The following PCDHA2 variants were observed in gnomAD, a reference collection of about 807,000 sequenced individuals.
The protein encoded by PCDHA2 is protocadherin alpha 2, also known as protocadherin alpha-2.
PCDHA2 carries 58 observed loss-of-function variants against 66.0 expected under a neutral mutation model. That is an observed-to-expected ratio of 0.88 (90% CI 0.71 to 1.09). The LOEUF (loss-of-function observed/expected upper bound fraction) is 1.09, where lower values mean the gene tolerates loss of function less well. Ranked by LOEUF, PCDHA2 falls within the 50% of genes least tolerant of loss-of-function variation. The pLI, the probability that PCDHA2 is intolerant of heterozygous loss-of-function variation, is 0.00. For synonymous variants in PCDHA2, 634 were observed against 554.0 expected (o/e 1.14, Z -2.03); for missense variants, 1,267 against 1,242.3 (o/e 1.02, Z -0.30).
intron 1 of PCDHA2, among the ~76,000 whole-genome samples, chr5:140,887,688 G>GA (rs1453843716): frequency 4.2e-4 from 64 of 151,926 alleles, no homozygotes; most frequent in Middle Eastern, 3.2e-3. Context: ...TCAAATTCAG[G>GA]AAAAAATCAA....
intron 1 of PCDHA2, among the ~76,000 whole-genome samples, chr5:140,938,157 G>C (rs532966795): frequency 6.6e-6 from 1 of 152,022 alleles, no homozygotes; most frequent in African/African-American, 2.4e-5. Context: ...CATTGCCCAG[G>C]CTAGTCTGGA....
intron 1 of PCDHA2, among the ~76,000 whole-genome samples, chr5:140,900,977 C>T (rs1223245503): frequency 2.0e-5 from 3 of 152,112 alleles, no homozygotes; most frequent in South Asian, 2.1e-4. Flanking sequence ...AGTATCTTTT[C>T]CTATACCTGT....
chr5:140,969,049 C>A, intron 1 of PCDHA2: 1 of 1,614,142 alleles, frequency 6.2e-7, no homozygotes, highest in Non-Finnish European at 8.5e-7. Context: ...AACAAGCCAA[C>A]AACAATATTG....
intron 1 of PCDHA2, chr5:140,802,681 T>A: frequency 6.2e-6 from 10 of 1,613,198 alleles, no homozygotes; most frequent in Non-Finnish European, 8.5e-6. Flanking sequence ...TACTCGCTGG[T>A]GGAACGGCGG....
intron 1 of PCDHA2, chr5:140,927,515 G>A (rs782499434): frequency 1.2e-6 from 2 of 1,614,100 alleles, no homozygotes; most frequent in South Asian, 1.1e-5. Flanking sequence ...GCTCGGGACG[G>A]CGGGCTACCT....
At chr5:140,928,204 G>A (rs1554205615) in intron 1 of PCDHA2, 4 of 1,614,236 alleles carry the variant, frequency 2.5e-6, no homozygotes, top group Middle Eastern at 1.6e-4. Flanking sequence ...AGTTGCTGAT[G>A]TGAATGACAA....
In PCDHA2 at chr5:140,927,795, G is replaced by T; in HGVS notation, c.2389-51154G>T. ...TGCAAGTAGCTGCTTCACTAGGTCC[G>T]CCTGAAACGCTCTTGGAGGCATACA... On this transcript the variant is annotated intron_variant, in intron 1 of 3. Transcript: ENST00000526136. The T allele has an allele frequency of 1.9e-6, 3 of 1,614,144 alleles. 1 individual carries two copies. The highest frequency in any genetic ancestry group is 2.2e-5 in the South Asian group (2 of 91,080).
chr5:140,884,559 C>G lies in PCDHA2; in HGVS notation c.2388+87207C>G. On this transcript the variant is annotated intron_variant, in intron 1 of 3. Transcript: ENST00000526136. ...CCGAGGGTGTGCTCTGGGGAGGGCC[C>G]GCATAAGACGGACCTCATGGCCTTC... The G allele has an allele frequency of 1.2e-6, 2 of 1,614,094 alleles. No individual in the cohort carries two copies. The highest frequency in any genetic ancestry group is 1.7e-5 in the Admixed American group (1 of 59,984).
intron 3 of PCDHA2, among the ~76,000 whole-genome samples, chr5:141,001,524 C>T (rs952372807): frequency 6.6e-6 from 1 of 152,202 alleles, no homozygotes; most frequent in Non-Finnish European, 1.5e-5. Context: ...CTCCCTCTCT[C>T]TCTGATCCTG....
rs564411271 is a variant in PCDHA2, at chr5:140,916,111, G to A, written c.2389-62838G>A. 1.9e-3 allele frequency among the ~76,000 whole-genome samples: 289 copies of A among 152,268 alleles called. 1 individual carries two copies. The highest frequency in any genetic ancestry group is 6.6e-3 in the African/African-American group (274 of 41,540). ...ACAGGGAATCTGCCTGGCCACTGCT[G>A]ATGTTCACTTAAAGCTTAAGGGCTG... On this transcript the variant is annotated intron_variant, in intron 1 of 3. Coordinates refer to ENST00000526136, the MANE Select transcript of PCDHA2 (RefSeq NM_018905.3).
intron 2 of PCDHA2, among the ~76,000 whole-genome samples, chr5:140,980,947 G>T (rs1430215851): frequency 6.6e-6 from 1 of 152,032 alleles, no homozygotes; most frequent in Non-Finnish European, 1.5e-5. Context: ...GCTGGCTCCA[G>T]GATAGTTACA....
chr5:140,904,522 C>T (rs1241157884), intron 1 of PCDHA2, among the ~76,000 whole-genome samples: 1 of 151,956 alleles, frequency 6.6e-6, no homozygotes, highest in Admixed American at 6.6e-5. Flanking sequence ...CTGCTATAAA[C>T]TTGTGTGTTC....
chr5:140,802,694 G>A lies in PCDHA2; in HGVS notation c.2388+5342G>A, dbSNP rs782659406. 4.3e-6 allele frequency: 7 copies of A among 1,612,620 alleles called. No individual in the cohort carries two copies. In the Admixed American group the frequency reaches 8.3e-5, roughly 19 times the overall value. ...CCTACTCGCTGGTGGAACGGCGGGT[G>A]GGGGAGCGCGCGCTGTCGAGCTACG... is the stretch of plus-strand genomic sequence containing the variant. On this transcript the variant is annotated intron_variant, in intron 1 of 3. Transcript: ENST00000526136.
chr5:140,803,131 A>G (rs781861660), intron 1 of PCDHA2: 1 of 1,613,846 alleles, frequency 6.2e-7, no homozygotes, highest in South Asian at 1.1e-5. Flanking sequence ...GCCCCGCGCC[A>G]TCGCCTACTG....
At chr5:140,879,086 A>G (rs1182722619) in intron 1 of PCDHA2, among the ~76,000 whole-genome samples, 2 of 152,226 alleles carry the variant, frequency 1.3e-5, no homozygotes, top group Admixed American at 6.5e-5. Context: ...ATAAGTAGGA[A>G]CAACTGCACA....
chr5:140,903,525 C>T (rs1322141732), intron 1 of PCDHA2, among the ~76,000 whole-genome samples: 1 of 152,164 alleles, frequency 6.6e-6, no homozygotes, highest in African/African-American at 2.4e-5. Context: ...GTGTTGTTCA[C>T]TTTAAACTAG....
At chr5:140,981,203 C>T (rs2096922514) in intron 2 of PCDHA2, among the ~76,000 whole-genome samples, 1 of 152,212 alleles carries the variant, frequency 6.6e-6, no homozygotes, top group South Asian at 2.1e-4. Flanking sequence ...TCTGTTGCCT[C>T]ATATAACCCC....
chr5:140,811,717 T>C (rs1554125800), intron 1 of PCDHA2: 5 of 152,228 alleles, frequency 3.3e-5, no homozygotes, highest in Non-Finnish European at 7.3e-5. Context: ...TGGTATCTCA[T>C]TGTGGTTTTG....
chr5:140,883,336 A>G, intron 1 of PCDHA2: 1 of 1,613,866 alleles, frequency 6.2e-7, no homozygotes, highest in Non-Finnish European at 8.5e-7. Flanking sequence ...CTTCTTTGTC[A>G]CTCCCCATCA....
Sources: gnomAD v4.1 joint callset for allele counts (sites outside exome capture counted in the v4.1 genomes callset) on GRCh38, gnomAD v4.1.1 for gene constraint, MANE v1.5 for transcripts, NCBI Gene and HGNC (gene_info 2026-07-23, HGNC 2026-07-21) for gene names.